The following PCSK5 variants were observed in gnomAD, a reference collection of about 807,000 sequenced individuals.
PCSK5 encodes prohormone convertase 5.
In PCSK5, 129 loss-of-function variants were observed where a neutral mutation model predicts 233.2. The observed-to-expected ratio is 0.55, with a 90% confidence interval of 0.48 to 0.64. PCSK5 has a LOEUF of 0.64. PCSK5 is among the 30% of genes least tolerant of loss of function. PCSK5 has a pLI of 0.00. For missense variants in PCSK5, 2,076 were observed against 2,430.1 expected (o/e 0.85, Z 3.06); for synonymous variants, 825 against 879.2 (o/e 0.94, Z 1.09).
intron 16 of PCSK5, among the ~76,000 whole-genome samples, 195 bp downstream of exon 16, chr9:76,181,786 G>T (rs751345919): frequency 1.1e-4 from 16 of 152,130 alleles, no homozygotes; most frequent in Non-Finnish European, 1.5e-4. Flanking sequence ...GTATCCTCAA[G>T]ACCACCCCCA....
At chr9:75,973,857 G>C (rs1171390861) in intron 2 of PCSK5, among the ~76,000 whole-genome samples, 1 of 152,210 alleles carries the variant, frequency 6.6e-6, no homozygotes, top group Non-Finnish European at 1.5e-5. Context: ...TTTGGGGGCA[G>C]AGGGCCGAGG....
At chr9:76,299,553 T>C (rs1467352700) in intron 27 of PCSK5, among the ~76,000 whole-genome samples, 2 of 152,018 alleles carry the variant, frequency 1.3e-5, no homozygotes, top group Non-Finnish European at 1.5e-5. Context: ...GTACCTGTAA[T>C]CCCAGCTACT....
intron 7 of PCSK5, among the ~76,000 whole-genome samples, chr9:76,092,955 A>C (rs976504508): frequency 6.6e-6 from 1 of 152,200 alleles, no homozygotes; most frequent in Non-Finnish European, 1.5e-5. Flanking sequence ...ACTGACATAA[A>C]AAAGAAAATA....
intron 5 of PCSK5, among the ~76,000 whole-genome samples, chr9:76,035,510 T>G (rs1025791374): frequency 3.3e-5 from 5 of 152,146 alleles, no homozygotes; most frequent in African/African-American, 1.2e-4. Context: ...AGGGTCTGAT[T>G]GATGTTATAG....
chr9:76,149,088 T>G (rs1305929374), intron 10 of PCSK5, among the ~76,000 whole-genome samples: 1 of 152,182 alleles, frequency 6.6e-6, no homozygotes, highest in Non-Finnish European at 1.5e-5. Flanking sequence ...TTTCGTAAAT[T>G]TTACAGAAAT....
At chr9:76,251,469 C>T (rs543625960) in intron 24 of PCSK5, among the ~76,000 whole-genome samples, 3 of 147,270 alleles carry the variant, frequency 2.0e-5, no homozygotes, top group South Asian at 2.2e-4. Flanking sequence ...GAGGCTGAGA[C>T]GGAGAATTGC....
At chr9:75,948,506 C>T (rs879831551) in intron 2 of PCSK5, among the ~76,000 whole-genome samples, 40 of 152,014 alleles carry the variant, frequency 2.6e-4, no homozygotes, top group Non-Finnish European at 4.4e-4. Context: ...TTTTTTATGG[C>T]TGCATAGTAT....
At chr9:75,980,060 T>A (rs1479080380) in intron 2 of PCSK5, among the ~76,000 whole-genome samples, 1 of 152,172 alleles carries the variant, frequency 6.6e-6, no homozygotes, top group African/African-American at 2.4e-5. Context: ...CACATTCACA[T>A]TTCATCTTAT....
intron 35 of PCSK5, among the ~76,000 whole-genome samples, chr9:76,344,975 A>T (rs928188891): frequency 1.3e-5 from 2 of 152,074 alleles, no homozygotes; most frequent in African/African-American, 2.4e-5. Flanking sequence ...AAAACAACAA[A>T]TTTTTTTCAA....
chr9:75,982,712 A>T (rs1013191892), intron 2 of PCSK5, among the ~76,000 whole-genome samples: 1 of 143,008 alleles, frequency 7.0e-6, no homozygotes, highest in Non-Finnish European at 1.5e-5. Flanking sequence ...AGAGCTATAC[A>T]CTTTTGCCCA....
intron 20 of PCSK5, among the ~76,000 whole-genome samples, chr9:76,204,481 T>C (rs945728835): frequency 1.3e-5 from 2 of 151,864 alleles, no homozygotes; most frequent in African/African-American, 4.8e-5. Context: ...TCTCTCTCTC[T>C]TTCTCTCCTC....
At chr9:75,901,395 C>A (rs1199992263) in intron 1 of PCSK5, among the ~76,000 whole-genome samples, 1 of 152,148 alleles carries the variant, frequency 6.6e-6, no homozygotes, top group Non-Finnish European at 1.5e-5. Flanking sequence ...ACCACATGTT[C>A]TCACTCATAA....
chr9:76,099,116 A>G (rs1242575127), intron 8 of PCSK5, among the ~76,000 whole-genome samples: 1 of 152,040 alleles, frequency 6.6e-6, no homozygotes, highest in Non-Finnish European at 1.5e-5. Context: ...TTTTTGTTTA[A>G]TGCATTTCTT....
At chr9:76,090,822 C>G (rs958359309) in intron 7 of PCSK5, among the ~76,000 whole-genome samples, 1 of 152,086 alleles carries the variant, frequency 6.6e-6, no homozygotes, top group Non-Finnish European at 1.5e-5. Flanking sequence ...ATACAACTCA[C>G]CATAATGTAG....
chr9:76,262,246 TGAC>T, intron 24 of PCSK5, among the ~76,000 whole-genome samples: 1 of 152,128 alleles, frequency 6.6e-6, no homozygotes, highest in South Asian at 2.1e-4. Flanking sequence ...AAGCTACCAA[TGAC>T]TTTCTTCACA....
intron 3 of PCSK5, among the ~76,000 whole-genome samples, chr9:76,000,917 CTT>C (rs575227170): frequency 1.4e-5 from 2 of 142,428 alleles, no homozygotes; most frequent in African/African-American, 5.1e-5. Flanking sequence ...CCCTTTGTTC[CTT>C]TTTTTTTTTT....
At chr9:75,946,922 T>C (rs1275382185) in intron 2 of PCSK5, among the ~76,000 whole-genome samples, 1 of 152,290 alleles carries the variant, frequency 6.6e-6, no homozygotes, top group East Asian at 1.9e-4. Flanking sequence ...TTTGAGCTCT[T>C]CCCCAGATAC....
At chr9:76,292,815 G>A (rs1277966589) in intron 25 of PCSK5, among the ~76,000 whole-genome samples, 1 of 152,142 alleles carries the variant, frequency 6.6e-6, no homozygotes, top group Non-Finnish European at 1.5e-5. Context: ...TCCTAGTCTA[G>A]CTTCCCTTCC....
In PCSK5 at chr9:76,282,732, G is replaced by C. The variant is rs547697964; in HGVS notation, c.3143-9501G>C. 3.3e-4 allele frequency among the ~76,000 whole-genome samples: 51 copies of C among 152,262 alleles called. 1 individual carries two copies. Among genetic ancestry groups the C allele is most frequent in the Admixed American group, 2.7e-3 (41 of 15,296 alleles). ...GGGTATGAATGATCCCATCACCCAG[G>C]TAGTGAGCATAGTACCCAATAGGTA... On this transcript the variant is annotated intron_variant, in intron 24 of 37. Coordinates refer to ENST00000674117, the MANE Select transcript of PCSK5 (RefSeq NM_001372043.1).
Sources: gnomAD v4.1 joint callset for allele counts (sites outside exome capture counted in the v4.1 genomes callset) on GRCh38, gnomAD v4.1.1 for gene constraint, MANE v1.5 for transcripts, NCBI Gene and HGNC (gene_info 2026-07-23, HGNC 2026-07-21) for gene names.